PCDHGB6: variants seen among roughly 807,000 people sequenced by gnomAD.
The protein encoded by PCDHGB6 is protocadherin gamma-B6.
In PCDHGB6, 51 loss-of-function variants were observed where a neutral mutation model predicts 59.1. That is an observed-to-expected ratio of 0.86 (90% CI 0.69 to 1.09). The LOEUF (loss-of-function observed/expected upper bound fraction) is 1.09. PCDHGB6 is among the 50% of genes least tolerant of loss of function. The probability of loss-of-function intolerance (pLI) is 0.00; values close to 1 mark genes in which losing one functional copy is unlikely to be tolerated. For synonymous variants in PCDHGB6, 466 were observed against 495.1 expected (o/e 0.94, Z 0.78); for missense variants, 1,148 against 1,205.1 (o/e 0.95, Z 0.70).
chr5:141,419,851 C>T, intron 1 of PCDHGB6: 1 of 1,614,062 alleles, frequency 6.2e-7, no homozygotes, highest in Non-Finnish European at 8.5e-7. Context: ...ACCTGGTGTT[C>T]GCAGATAGCT....
intron 3 of PCDHGB6, among the ~76,000 whole-genome samples, chr5:141,509,596 G>A (rs538867815): frequency 1.3e-5 from 2 of 152,258 alleles, no homozygotes; most frequent in Admixed American, 6.5e-5. Context: ...TGGCAATTCC[G>A]AGAGGCTGCA....
chr5:141,474,967 T>G (rs745581213), intron 1 of PCDHGB6, among the ~76,000 whole-genome samples: 6 of 152,252 alleles, frequency 3.9e-5, no homozygotes, highest in Non-Finnish European at 7.3e-5. Context: ...TCCTAATCAT[T>G]ATAATTTTGT....
At chr5:141,412,876 A>T (rs1206092699) in intron 1 of PCDHGB6, 2 of 281,096 alleles carry the variant, frequency 7.1e-6, no homozygotes, top group Admixed American at 4.9e-5. Flanking sequence ...AAATATAATA[A>T]TCCAACAGAA....
At chr5:141,502,494 A>G (rs928571740) in intron 2 of PCDHGB6, among the ~76,000 whole-genome samples, 2 of 152,180 alleles carry the variant, frequency 1.3e-5, no homozygotes, top group South Asian at 2.1e-4. Context: ...GGACTCATCT[A>G]ACGTCGGCCT....
At chr5:141,481,811 G>T (rs1050821120) in intron 1 of PCDHGB6, among the ~76,000 whole-genome samples, 3 of 151,892 alleles carry the variant, frequency 2.0e-5, no homozygotes, top group Admixed American at 1.3e-4. Flanking sequence ...AATTCACCAG[G>T]CGTGGTGGCT....
At chr5:141,419,567 G>A in intron 1 of PCDHGB6, 1 of 1,611,758 alleles carries the variant, frequency 6.2e-7, no homozygotes, top group Non-Finnish European at 8.5e-7. Context: ...GCTGGGTCCC[G>A]ACGGCTCCGC....
At chr5:141,502,030 C>T (rs1031787021) in intron 2 of PCDHGB6, among the ~76,000 whole-genome samples, 4 of 152,180 alleles carry the variant, frequency 2.6e-5, no homozygotes, top group Non-Finnish European at 4.4e-5. Flanking sequence ...CAACCCCCGC[C>T]GCTTGCCTGC....
chr5:141,477,536 G>T lies in PCDHGB6; in HGVS notation c.2419-17271G>T. 1.2e-6 allele frequency: 2 copies of T among 1,614,076 alleles called. No homozygotes were observed. Among genetic ancestry groups the T allele is most frequent in the Non-Finnish European group, 1.7e-6 (2 of 1,180,018 alleles). ...CATTGAAGAAAACAACCTCCCCGGG[G>T]CTCCAATACTAAACCTAAGTGTCTG... On this transcript the variant is annotated intron_variant, in intron 1 of 3. Coordinates refer to ENST00000520790, the MANE Select transcript of PCDHGB6 (RefSeq NM_018926.3). The surrounding 1 kb of genome is among the most constrained non-coding windows in gnomAD (Gnocchi z 4.9).
At chr5:141,410,847 G>GTTTT (rs773839667) in intron 1 of PCDHGB6, 2 of 158,344 alleles carry the variant, frequency 1.3e-5, no homozygotes, top group African/African-American at 1.7e-4. Context: ...TTTTGTCTTT[G>GTTTT]TCTTTTTTTT....
chr5:141,451,163 G>A (rs2098709493), intron 1 of PCDHGB6, among the ~76,000 whole-genome samples: 1 of 152,086 alleles, frequency 6.6e-6, no homozygotes, highest in African/African-American at 2.4e-5. Flanking sequence ...TTTTTTGGTA[G>A]TATATTATTT....
intron 1 of PCDHGB6, among the ~76,000 whole-genome samples, chr5:141,435,367 A>C (rs2097758993): frequency 1.3e-5 from 2 of 152,194 alleles, no homozygotes; most frequent in African/African-American, 4.8e-5. Flanking sequence ...TTTATCACTT[A>C]AATATACAAT....
chr5:141,413,815 C>T (rs1357769705), intron 1 of PCDHGB6: 11 of 1,613,224 alleles, frequency 6.8e-6, no homozygotes, highest in Non-Finnish European at 8.5e-6. Flanking sequence ...CATTCACCAC[C>T]TGGTCCTCAC....
chr5:141,422,077 A>C (rs2096622436), intron 1 of PCDHGB6: 1 of 1,612,340 alleles, frequency 6.2e-7, no homozygotes, highest in Admixed American at 1.7e-5. Flanking sequence ...TTCATTTCGG[A>C]ACATGGAAAG....
chr5:141,452,791 C>T (rs1202677389), intron 1 of PCDHGB6, among the ~76,000 whole-genome samples: 2 of 152,156 alleles, frequency 1.3e-5, no homozygotes, highest in Non-Finnish European at 2.9e-5. Context: ...AACATACCAT[C>T]ATTTTTGCTG....
chr5:141,496,021 G>C lies in PCDHGB6; in HGVS notation c.2477+1156G>C, dbSNP rs1011612662. Among the ~76,000 whole-genome samples, 3 of 151,454 alleles carry C rather than the reference G, an allele frequency of 2.0e-5. No individual in the cohort carries two copies. The East Asian group carries it at 5.8e-4, about 29-fold the overall frequency. ...CTTTTATCTTGTCTTTTTTCTCTGA[G>C]CCTCTGTCTCTGTCTCTCATTTTTT... On this transcript the variant is annotated intron_variant, in intron 2 of 3. Coordinates refer to ENST00000520790, the MANE Select transcript of PCDHGB6 (RefSeq NM_018926.3).
At chr5:141,507,106 A>T (rs1205648425) in intron 3 of PCDHGB6, 1 of 152,118 alleles carries the variant, frequency 6.6e-6, no homozygotes, top group African/African-American at 2.4e-5. Context: ...TACTATAGGG[A>T]CCATGGCTGC....
chr5:141,436,068 T>A (rs1343785335), intron 1 of PCDHGB6, among the ~76,000 whole-genome samples: 1 of 152,190 alleles, frequency 6.6e-6, no homozygotes, highest in Non-Finnish European at 1.5e-5. Flanking sequence ...ATTTAATAAG[T>A]ACAGTGTTCT....
intron 1 of PCDHGB6, chr5:141,430,554 A>G (rs372392559): frequency 3.2e-5 from 13 of 411,906 alleles, no homozygotes; most frequent in Admixed American, 4.0e-5. Context: ...CTGTTCACCA[A>G]TCGGGGAGAG....
intron 1 of PCDHGB6, chr5:141,420,165 C>T: frequency 6.2e-7 from 1 of 1,614,022 alleles, no homozygotes; most frequent in South Asian, 1.1e-5. Flanking sequence ...AATTTTTTCA[C>T]ATCTGTTGAT....
Sources: allele counts gnomAD v4.1 joint callset (sites outside exome capture counted in the v4.1 genomes callset), GRCh38; gene constraint gnomAD v4.1.1; non-coding constraint Gnocchi (gnomAD v3.1); transcripts MANE v1.5; gene names NCBI Gene and HGNC (gene_info 2026-07-23, HGNC 2026-07-21).